DGCR8: variants seen among roughly 807,000 people sequenced by gnomAD.
The protein encoded by DGCR8 is DGCR8 microprocessor complex subunit.
DGCR8 carries 14 observed loss-of-function variants against 78.5 expected under a neutral mutation model. The observed-to-expected ratio is 0.18, with a 90% CI of 0.12 to 0.28. DGCR8 has a LOEUF of 0.28. DGCR8 is among the 10% of genes least tolerant of loss of function. DGCR8 has a pLI of 1.00. For synonymous variants in DGCR8, 399 were observed against 402.4 expected (o/e 0.99, Z 0.10); for missense variants, 702 against 1,022.5 (o/e 0.69, Z 4.28).
chr22:20,094,532 C>A (rs1487715904), intron 8 of DGCR8, among the ~76,000 whole-genome samples, 181 bp from the exon 9 acceptor site: 1 of 152,214 alleles, frequency 6.6e-6, no homozygotes, highest in African/African-American at 2.4e-5. Flanking sequence ...TAGCCTGCCA[C>A]ACGTCTGGGC....
intron 9 of DGCR8, among the ~76,000 whole-genome samples, chr22:20,103,123 A>T (rs2049723801): frequency 6.6e-6 from 1 of 150,994 alleles, no homozygotes; most frequent in Admixed American, 6.6e-5. Flanking sequence ...GGGCAACAAG[A>T]GCGAAACCCC....
rs1171374725 is a variant in DGCR8, at chr22:20,106,607, T to C, written c.1905T>C (p.Gly635=). The change falls in exon 11 of 14, where the codon GGT becomes GGC. Residue 635 remains glycine (G), a synonymous_variant. Coordinates refer to ENST00000351989, the MANE Select transcript of DGCR8 (RefSeq NM_022720.7). ...HECLKRNHGM[G]DTSIKFEVVP... is the part of the protein sequence containing the mutation. Reference sequence around the variant, plus strand: ...TCTCTTAAAGAAACCATGGGATGGGTGACACGTCTATCAAGTTTGAAGTGG... The same window carrying C: ...TCTCTTAAAGAAACCATGGGATGGGCGACACGTCTATCAAGTTTGAAGTGG... 1.9e-6 allele frequency: 3 copies of C among 1,613,404 alleles called. No individual in the cohort carries two copies. In the South Asian group the frequency reaches 3.3e-5, roughly 18 times the overall value.
chr22:20,082,661 C>A (rs550681864), intron 1 of DGCR8, among the ~76,000 whole-genome samples: 14 of 152,326 alleles, frequency 9.2e-5, no homozygotes, highest in African/African-American at 3.4e-4. Flanking sequence ...ACCACCGCGC[C>A]CGGCCCAGAG....
chr22:20,095,806 C>T (rs2049622321), intron 9 of DGCR8, among the ~76,000 whole-genome samples: 1 of 151,962 alleles, frequency 6.6e-6, no homozygotes, highest in South Asian at 2.1e-4. Flanking sequence ...CAGTGGGAGC[C>T]CTGAGCTTGT....
In DGCR8 at chr22:20,086,798, A is replaced by C; in HGVS notation, c.720+115A>C. ...AAAAAAAAAAAAAACAAAAACCAAAATCCCCTCTGAGGTGGAATAATGTTA... is the reference window on the plus strand; with the variant it reads ...AAAAAAAAAAAAAACAAAAACCAAACTCCCCTCTGAGGTGGAATAATGTTA... On this transcript the variant is annotated intron_variant, in intron 2 of 13. Coordinates refer to ENST00000351989, the MANE Select transcript of DGCR8 (RefSeq NM_022720.7). The surrounding 1 kb of genome is among the most constrained non-coding windows in gnomAD (Gnocchi z 6.4). 69 of 1,161,648 alleles carry C rather than the reference A, an allele frequency of 5.9e-5. No homozygotes were observed. The highest frequency in any genetic ancestry group is 7.6e-5 in the Non-Finnish European group (63 of 831,592). The allele number at this position is 1,161,648 out of a possible 1,614,324, so 72.0% of individuals were successfully genotyped here. A position where few individuals can be genotyped will look rare whatever the true frequency, so the allele number is the denominator to read the frequency against.
Position 20,111,516 on chromosome 22 carries a change from C to T in DGCR8, c.*1408C>T. ...AATTGCTATAATTAGACACTTGCTT[C>T]TGTCTTGCCTCCTGTCTGCAGCTGT... On this transcript the variant is annotated 3_prime_UTR_variant, in exon 14 of 14. Coordinates refer to ENST00000351989, the MANE Select transcript of DGCR8 (RefSeq NM_022720.7). 2.5e-6 allele frequency: 1 copy of T among 398,084 alleles called. No homozygotes were observed. Among genetic ancestry groups the T allele is most frequent in the Non-Finnish European group, 4.4e-6 (1 of 226,066 alleles). 24.7% of individuals were successfully genotyped at this position (398,084 alleles called of 1,614,324 possible). A position where few individuals can be genotyped will look rare whatever the true frequency, so the allele number is the denominator to read the frequency against.
chr22:20,080,412 G>A (rs2049403667), intron 1 of DGCR8, 29 bp downstream of exon 1: 1 of 974,740 alleles, frequency 1.0e-6, no homozygotes, highest in African/African-American at 1.8e-5. Flanking sequence ...GGGCGCCCGC[G>A]GGCGGTTGGG....
intron 8 of DGCR8, among the ~76,000 whole-genome samples, chr22:20,094,350 C>T (rs1416561852): frequency 6.6e-6 from 1 of 152,248 alleles, no homozygotes. Context: ...GGTCTAGGTA[C>T]CTGCAGTAGC....
chr22:20,111,299 G>A lies in DGCR8; in HGVS notation c.*1191G>A, dbSNP rs2049839816. 1 of 398,620 alleles carries A rather than the reference G, an allele frequency of 2.5e-6. No homozygotes were observed. The highest frequency in any genetic ancestry group is 2.1e-5 in the African/African-American group (1 of 48,576). 24.7% of individuals were successfully genotyped at this position (398,620 alleles called of 1,614,324 possible). A position where few individuals can be genotyped will look rare whatever the true frequency, so the allele number is the denominator to read the frequency against. The stretch of plus-strand genomic sequence containing the variant: ...GTGTGCTTGTGGTGCGCCATCTGAA[G>A]CAAGAGTCCAGCGTTCTGCCGTGTC... On this transcript the variant is annotated 3_prime_UTR_variant, in exon 14 of 14. Coordinates refer to ENST00000351989, the MANE Select transcript of DGCR8 (RefSeq NM_022720.7).
At position 20,080,353 on chromosome 22, in the gene DGCR8, G is replaced by C. The variant is rs1457562481; in HGVS notation, c.-308G>C. The C allele has an allele frequency of 1.0e-6, 1 of 980,796 alleles. No homozygotes were observed. The highest frequency in any genetic ancestry group is 1.2e-6 in the Non-Finnish European group (1 of 828,102). 60.8% of individuals were successfully genotyped at this position (980,796 alleles called of 1,614,324 possible). A position where few individuals can be genotyped will look rare whatever the true frequency, so the allele number is the denominator to read the frequency against. On this transcript the variant is annotated 5_prime_UTR_variant, in exon 1 of 14. Coordinates refer to ENST00000351989, the MANE Select transcript of DGCR8 (RefSeq NM_022720.7). ...GCTTTCCCGGCTGTGGTTTGGCTGC[G>C]GGCGGCTTGGGCAGCCCGCGGGCGC...
intron 9 of DGCR8, among the ~76,000 whole-genome samples, chr22:20,096,159 C>G (rs2049626442): frequency 6.6e-6 from 1 of 152,164 alleles, no homozygotes; most frequent in Non-Finnish European, 1.5e-5. Flanking sequence ...CTGATATATA[C>G]TGTATTCTTA....
intron 8 of DGCR8, 40 bp downstream of exon 8, chr22:20,092,947 G>A: frequency 6.5e-7 from 1 of 1,531,504 alleles, no homozygotes. Flanking sequence ...CGTGCTGCCT[G>A]CTGTGTCTGC....
intron 9 of DGCR8, chr22:20,096,404 C>G (rs982735305): frequency 2.0e-6 from 2 of 982,652 alleles, no homozygotes; most frequent in African/African-American, 3.5e-5. Context: ...CCATGTTGTT[C>G]AAGGGTCAGC....
At chr22:20,101,336 G>T (rs1188383793) in intron 9 of DGCR8, 1 of 957,816 alleles carries the variant, frequency 1.0e-6, no homozygotes, top group Non-Finnish European at 1.2e-6. Context: ...CAGCACTTTG[G>T]GAGGCCGAGG....
At position 20,088,209 on chromosome 22, in the gene DGCR8, T is replaced by G. The variant is rs2049512248; in HGVS notation, c.880+888T>G. Among the ~76,000 whole-genome samples, 3 of 152,140 alleles carry G rather than the reference T, an allele frequency of 2.0e-5. No homozygotes were observed. The South Asian group carries it at 6.2e-4, about 31-fold the overall frequency. On this transcript the variant is annotated intron_variant, in intron 3 of 13. Transcript: ENST00000351989. ...CTGCCTATGTCGTGTTGGTAGCAGTTAAGCAGGAGGGCTTTTGGTCTAGAC... is the reference window on the plus strand; with the variant it reads ...CTGCCTATGTCGTGTTGGTAGCAGTGAAGCAGGAGGGCTTTTGGTCTAGAC...
chr22:20,081,343 T>G (rs1231100760), intron 1 of DGCR8, among the ~76,000 whole-genome samples: 3 of 152,336 alleles, frequency 2.0e-5, no homozygotes, highest in Admixed American at 2.0e-4. Context: ...GCTGTCCAAG[T>G]GTACGGGTTT....
At position 20,087,267 on chromosome 22, in the gene DGCR8, G is replaced by A. The variant is rs2049497126; in HGVS notation, c.826G>A (p.Asp276Asn). 7 of 1,613,866 alleles carry A rather than the reference G, an allele frequency of 4.3e-6. No homozygotes were observed. The highest frequency in any genetic ancestry group is 5.1e-6 in the Non-Finnish European group (6 of 1,179,892). The change falls in exon 3 of 14, where the codon GAT becomes AAT. Residue 276 changes from aspartate (D) to asparagine (N), a missense_variant. Asp to Asn is a conservative substitution (Grantham distance 23). Transcript: ENST00000351989. The surrounding 1 kb of genome is among the most constrained non-coding windows in gnomAD (Gnocchi z 4.1). The part of the protein sequence containing the change: ...KYGGDSDHPS[D>N]GETSVQPMMT... ...TGGCGGAGACAGCGACCATCCGTCC[G>A]ATGGAGAGACAAGTGTGCAGCCGAT...
At chr22:20,102,969 C>T (rs1394804170) in intron 9 of DGCR8, among the ~76,000 whole-genome samples, 1 of 152,006 alleles carries the variant, frequency 6.6e-6, no homozygotes, top group African/African-American at 2.4e-5. Flanking sequence ...CCCATCTCTA[C>T]TTAAATACAA....
In DGCR8 at chr22:20,085,061, C is replaced by T; in HGVS notation, c.-277-626C>T. The T allele has an allele frequency of 2.0e-6, 2 of 984,122 alleles. No individual in the cohort carries two copies. The highest frequency in any genetic ancestry group is 2.4e-6 in the Non-Finnish European group (2 of 828,744). 61.0% of individuals were successfully genotyped at this position (984,122 alleles called of 1,614,324 possible). A position where few individuals can be genotyped will look rare whatever the true frequency, so the allele number is the denominator to read the frequency against. ...GGTCCCTTCCCCACAGCCACCCACC[C>T]CTCTCCTCCATCGGGAACAGAACTA... On this transcript the variant is annotated intron_variant, in intron 1 of 13. Coordinates refer to ENST00000351989, the MANE Select transcript of DGCR8 (RefSeq NM_022720.7). The surrounding 1 kb of genome is among the most constrained non-coding windows in gnomAD (Gnocchi z 6.2).
Sources: allele counts gnomAD v4.1 joint callset (sites outside exome capture counted in the v4.1 genomes callset), GRCh38; gene constraint gnomAD v4.1.1; non-coding constraint Gnocchi (gnomAD v3.1); transcripts MANE v1.5; gene names NCBI Gene and HGNC (gene_info 2026-07-23, HGNC 2026-07-21).